The following CRYM variants were observed in gnomAD, a reference collection of about 807,000 sequenced individuals.
CRYM encodes the protein ketimine reductase mu-crystallin.
CRYM carries 18 observed loss-of-function variants against 32.9 expected under a neutral mutation model. The observed-to-expected ratio is 0.55, with a 90% CI of 0.38 to 0.81. CRYM has a LOEUF of 0.81. Among genes scored for constraint, CRYM ranks in the 30% least tolerant of loss-of-function variants. The pLI is 0.00. For synonymous variants in CRYM, 153 were observed against 152.4 expected (o/e 1.00, Z -0.03); for missense variants, 337 against 393.5 (o/e 0.86, Z 1.21).
rs141520698 is a variant in CRYM, at chr16:21,290,350, G to T, written c.-192-11390C>A. On this transcript the variant is annotated intron_variant, in intron 1 of 9. Coordinates refer to the CRYM transcript ENST00000219599. ...CAACCTGGATGTGCCACCTTTAAGAGCTGTAACACTCACTACAAAGGTCTG... is the reference window on the plus strand; with the variant it reads ...CAACCTGGATGTGCCACCTTTAAGATCTGTAACACTCACTACAAAGGTCTG... 1.8e-3 allele frequency among the ~76,000 whole-genome samples: 277 copies of T among 151,960 alleles called. 1 individual carries two copies. Among genetic ancestry groups the T allele is most frequent in the African/African-American group, 6.4e-3 (265 of 41,454 alleles).
rs1453014122 is a variant in CRYM, at chr16:21,261,356, G to C, written c.796-18C>G. 8.1e-6 allele frequency: 13 copies of C among 1,605,258 alleles called. No individual in the cohort carries two copies. The highest frequency in any genetic ancestry group is 1.6e-4 in the Middle Eastern group (1 of 6,062). ...ATCTCGGCCTAGGAAACAAACATAC[G>C]CTGACCCAGGCATGAAGCTAAAGTC... On this transcript the variant is annotated intron_variant, in intron 6 of 7. Transcript: ENST00000572914.
At chr16:21,273,902 G>C (rs183164696) in intron 3 of CRYM, among the ~76,000 whole-genome samples, 114 of 152,290 alleles carry the variant, frequency 7.5e-4, no homozygotes, top group African/African-American at 2.7e-3. Context: ...AGTTGAGTCA[G>C]GTCTGGATAT....
chr16:21,301,352 G>T (rs1458745397), intron 1 of CRYM: 1 of 150,812 alleles, frequency 6.6e-6, no homozygotes, highest in Non-Finnish European at 1.5e-5. Context: ...CCCTTTCAGG[G>T]ACTTGGGGCA....
intron 1 of CRYM, chr16:21,300,410 G>C (rs1960882161): frequency 6.6e-6 from 1 of 150,716 alleles, no homozygotes; most frequent in Non-Finnish European, 1.5e-5. Context: ...TGATTTAGAA[G>C]ACTATTCTGT....
At chr16:21,300,317 G>C (rs1960880439) in intron 1 of CRYM, 1 of 152,108 alleles carries the variant, frequency 6.6e-6, no homozygotes, top group Non-Finnish European at 1.5e-5. Flanking sequence ...GTTGGGGGCT[G>C]AAGGGGAGAT....
chr16:21,278,700 G>A (rs1216951098), upstream of CRYM: 1 of 188,500 alleles, frequency 5.3e-6, no homozygotes, highest in Non-Finnish European at 1.1e-5. Flanking sequence ...CTACTGCTAG[G>A]AGATAAAAGG....
At chr16:21,272,572 C>T (rs772776273) in intron 3 of CRYM, among the ~76,000 whole-genome samples, 1 of 152,186 alleles carries the variant, frequency 6.6e-6, no homozygotes, top group Non-Finnish European at 1.5e-5. Context: ...AGAGACACAG[C>T]CACAGGCTAG....
At position 21,267,731 on chromosome 16, in the gene CRYM, T is replaced by C. The variant is rs2093367137; in HGVS notation, c.496A>G (p.Ile166Val). The C allele has an allele frequency of 3.7e-6, 6 of 1,614,200 alleles. No individual in the cohort carries two copies. Among genetic ancestry groups the C allele is most frequent in the Non-Finnish European group, 5.1e-6 (6 of 1,180,020 alleles). The change falls in exon 5 of 8, where the codon ATA (isoleucine) becomes GTA (valine). Residue 166 changes from isoleucine to valine, a missense_variant. Physicochemically the swap from Ile to Val is conservative, Grantham distance 29 (BLOSUM62 3). Transcript: ENST00000572914. ...TEQFSFKEVR[I>V]WNRTKENAEK... ...GCATTTTCTTTGGTGCGGTTCCATATCCTCACCTTCATTGGGAGTAACAAG... is the reference window on the plus strand; with the variant it reads ...GCATTTTCTTTGGTGCGGTTCCATACCCTCACCTTCATTGGGAGTAACAAG...
At chr16:21,292,172 T>G (rs1434145493) in intron 1 of CRYM, among the ~76,000 whole-genome samples, 1 of 152,104 alleles carries the variant, frequency 6.6e-6, no homozygotes, top group African/African-American at 2.4e-5. Flanking sequence ...GAATTATTCA[T>G]ACAATGGAAT....
chr16:21,294,021 A>G (rs2152865424), intron 1 of CRYM, among the ~76,000 whole-genome samples: 1 of 152,378 alleles, frequency 6.6e-6, no homozygotes, highest in East Asian at 1.9e-4. Flanking sequence ...TTTGTCAGCA[A>G]AAAGGTAGAA....
chr16:21,283,012 T>C (rs1051499035), upstream of CRYM, among the ~76,000 whole-genome samples: 6 of 152,178 alleles, frequency 3.9e-5, no homozygotes, highest in Non-Finnish European at 8.8e-5. Flanking sequence ...GGGGTCAGTA[T>C]TGAGAAAGCT....
At chr16:21,261,669 A>G in intron 6 of CRYM, 1 of 472,036 alleles carries the variant, frequency 2.1e-6, no homozygotes, top group Non-Finnish European at 3.9e-6. Flanking sequence ...TTCTTGTTTT[A>G]TGCTGATTAT....
intron 5 of CRYM, among the ~76,000 whole-genome samples, chr16:21,265,291 C>T (rs1274992956): frequency 1.3e-5 from 2 of 152,192 alleles, no homozygotes; most frequent in African/African-American, 4.8e-5. Context: ...TTCGCTTCCA[C>T]ACTCAAGGCC....
At chr16:21,271,278 C>G (rs1194712426) in intron 3 of CRYM, among the ~76,000 whole-genome samples, 2 of 152,182 alleles carry the variant, frequency 1.3e-5, no homozygotes, top group African/African-American at 4.8e-5. Flanking sequence ...CAAACTCATG[C>G]TCAGTGGAGA....
At chr16:21,281,094 T>G (rs112716094), upstream of CRYM, among the ~76,000 whole-genome samples, 1 of 143,490 alleles carries the variant, frequency 7.0e-6, no homozygotes. Flanking sequence ...AACAGAGTGA[T>G]TCTCTCTCTC....
intron 1 of CRYM, among the ~76,000 whole-genome samples, chr16:21,290,447 C>T (rs757312812): frequency 1.3e-5 from 2 of 152,142 alleles, no homozygotes; most frequent in Non-Finnish European, 2.9e-5. Flanking sequence ...ATCTGAACAT[C>T]TGAAGGAACA....
rs926501785 is a variant in CRYM at position 21,290,228 on chromosome 16, G to T, written c.-192-11268C>A. ...AAGTCTTGCTGCTGCTCACTGTTTG[G>T]GTCCACACTACCTTTGTGAACTGTA... is the stretch of plus-strand genomic sequence containing the variant. On this transcript the variant is annotated intron_variant, in intron 1 of 9. Coordinates refer to the CRYM transcript ENST00000219599. Among the ~76,000 whole-genome samples, 5 of 152,060 alleles carry T rather than the reference G, an allele frequency of 3.3e-5. No individual in the cohort carries two copies. In the South Asian group the frequency reaches 1.0e-3, roughly 32 times the overall value.
rs778237476 is a variant in CRYM at position 21,262,148 on chromosome 16, G to A, written c.684C>T (p.Ala228=). Residue 228 remains alanine, a synonymous_variant, in exon 6 of 8, where the codon GCC becomes GCT. Transcript: ENST00000572914. ...KPGAHINAVG[A]SRPDWRELDD... is the part of the protein sequence containing the mutation. ...CCAGTTCTCTCCAGTCAGGTCTGCT[G>A]GCTCCAACAGCTAAGAGACAGCAAA... 3.1e-6 allele frequency: 5 copies of A among 1,614,078 alleles called. No homozygotes were observed. The East Asian group carries it at 1.1e-4, about 36-fold the overall frequency.
intron 3 of CRYM, among the ~76,000 whole-genome samples, chr16:21,270,920 C>T (rs375850390): frequency 1.3e-5 from 2 of 152,164 alleles, no homozygotes; most frequent in Non-Finnish European, 2.9e-5. Flanking sequence ...TCCAATGAAG[C>T]CTTTCTGACC....
Sources: allele counts gnomAD v4.1 joint callset (sites outside exome capture counted in the v4.1 genomes callset), GRCh38; gene constraint gnomAD v4.1.1; transcripts MANE v1.5; gene names NCBI Gene and HGNC (gene_info 2026-07-23, HGNC 2026-07-21).